Variants in OPCML observed in about 807,000 individuals in gnomAD.
The protein encoded by OPCML is opioid binding protein/cell adhesion molecule like.
Under a neutral mutation model 37.8 loss-of-function variants are expected in OPCML, and 13 were observed. The ratio of observed to expected loss-of-function variants is 0.34; its 90% CI spans 0.22 to 0.55. The LOEUF is 0.55. Among genes scored for constraint, OPCML ranks in the 20% least tolerant of loss-of-function variants. The pLI, the probability that OPCML is intolerant of heterozygous loss-of-function variation, is 0.91. For missense variants in OPCML, 341 were observed against 435.6 expected (o/e 0.78, Z 1.93); for synonymous variants, 176 against 168.8 (o/e 1.04, Z -0.33).
In OPCML at chr11:132,530,734, G is replaced by A. The variant is rs117788087; in HGVS notation, c.380-1548C>T. 3.6e-4 allele frequency among the ~76,000 whole-genome samples: 55 copies of A among 151,840 alleles called. 1 individual carries two copies. The East Asian group carries it at 9.9e-3, about 27-fold the overall frequency. On this transcript the variant is annotated intron_variant, in intron 3 of 7. Transcript: ENST00000524381. The stretch of plus-strand genomic sequence containing the variant: ...TGCATGACCTGAGCTCTCTGGAGTC[G>A]AACCCCCAAACCCACTGACAAACCT...
chr11:132,879,900 AT>A (rs1383043018), intron 2 of OPCML, among the ~76,000 whole-genome samples: 1 of 152,228 alleles, frequency 6.6e-6, no homozygotes, highest in African/African-American at 2.4e-5. Flanking sequence ...TGACTTGGGC[AT>A]TTGGGCTATT....
At chr11:133,348,115 A>C (rs1189736128) in intron 1 of OPCML, among the ~76,000 whole-genome samples, 1 of 152,222 alleles carries the variant, frequency 6.6e-6, no homozygotes, top group African/African-American at 2.4e-5. Context: ...CAGGAAAAGC[A>C]ATAGAATTTG....
intron 3 of OPCML, among the ~76,000 whole-genome samples, chr11:132,608,869 C>T (rs1938464597): frequency 6.6e-6 from 1 of 152,186 alleles, no homozygotes; most frequent in Non-Finnish European, 1.5e-5. Flanking sequence ...TTGCTTCCTC[C>T]TGCTCCACTG....
intron 2 of OPCML, among the ~76,000 whole-genome samples, chr11:132,714,711 C>T (rs1944402344): frequency 6.6e-6 from 1 of 152,168 alleles, no homozygotes; most frequent in South Asian, 2.1e-4. Context: ...ATGGGCCTTG[C>T]AAATTAGCAC....
intron 2 of OPCML, among the ~76,000 whole-genome samples, chr11:132,932,739 T>C (rs932613342): frequency 1.3e-5 from 2 of 150,030 alleles, no homozygotes; most frequent in East Asian, 3.9e-4. Flanking sequence ...TAAATATATA[T>C]ATTTAACTTA....
chr11:132,521,153 G>GT (rs1350985125), intron 4 of OPCML, among the ~76,000 whole-genome samples: 1 of 151,936 alleles, frequency 6.6e-6, no homozygotes, highest in African/African-American at 2.4e-5. Flanking sequence ...TTTTTTTCAT[G>GT]TTTTTTGGCC....
intron 1 of OPCML, among the ~76,000 whole-genome samples, chr11:133,165,898 A>C (rs1229607824): frequency 1.3e-5 from 2 of 152,186 alleles, no homozygotes; most frequent in Non-Finnish European, 2.9e-5. Context: ...ACCGCAGAAT[A>C]CCTCAATAAA....
chr11:132,702,259 A>G (rs1174236259), intron 2 of OPCML, among the ~76,000 whole-genome samples: 1 of 152,140 alleles, frequency 6.6e-6, no homozygotes, highest in East Asian at 1.9e-4. Flanking sequence ...AGTGGTGATG[A>G]ACTCCCTCAG....
intron 1 of OPCML, among the ~76,000 whole-genome samples, chr11:133,216,100 G>A (rs766218784): frequency 5.3e-5 from 8 of 152,132 alleles, no homozygotes; most frequent in Non-Finnish European, 1.2e-4. Flanking sequence ...GGTGCAAGGG[G>A]ACCTCAGAAA....
At chr11:132,656,361 A>G (rs1941708551) in intron 3 of OPCML, among the ~76,000 whole-genome samples, 2 of 152,206 alleles carry the variant, frequency 1.3e-5, no homozygotes, top group Non-Finnish European at 2.9e-5. Context: ...TTTGAGGTGT[A>G]ATATGAAATT....
chr11:133,282,665 G>A (rs1942190737), intron 1 of OPCML, among the ~76,000 whole-genome samples: 1 of 152,174 alleles, frequency 6.6e-6, no homozygotes, highest in Admixed American at 6.5e-5. Context: ...CAGAATGATG[G>A]AGCCATGAGC....
chr11:133,469,008 G>T (rs1390315091), intron 1 of OPCML, among the ~76,000 whole-genome samples: 1 of 152,208 alleles, frequency 6.6e-6, no homozygotes, highest in Non-Finnish European at 1.5e-5. Flanking sequence ...CTGCCCCAGA[G>T]ACTGGGGGGC....
intron 1 of OPCML, among the ~76,000 whole-genome samples, chr11:133,146,865 G>A (rs1949905003): frequency 6.6e-6 from 1 of 152,120 alleles, no homozygotes; most frequent in Non-Finnish European, 1.5e-5. Context: ...GTGGACAAGG[G>A]GAAAAAACAC....
At chr11:133,315,402 C>T (rs1488666282) in intron 1 of OPCML, among the ~76,000 whole-genome samples, 1 of 152,074 alleles carries the variant, frequency 6.6e-6, no homozygotes, top group Non-Finnish European at 1.5e-5. Context: ...TGAATTGACA[C>T]TTAGGAAAAC....
chr11:133,100,993 C>T (rs1365524453), intron 1 of OPCML, among the ~76,000 whole-genome samples: 3 of 152,114 alleles, frequency 2.0e-5, no homozygotes, highest in Non-Finnish European at 4.4e-5. Context: ...GGCATGATCT[C>T]GGCTCACTGC....
At chr11:132,741,628 T>A (rs79745701) in intron 2 of OPCML, among the ~76,000 whole-genome samples, 1 of 152,246 alleles carries the variant, frequency 6.6e-6, no homozygotes, top group African/African-American at 2.4e-5. Context: ...TAAGTCCTTA[T>A]AATATTACAA....
chr11:132,674,129 G>A (rs1942597636), intron 2 of OPCML, among the ~76,000 whole-genome samples: 1 of 152,176 alleles, frequency 6.6e-6, no homozygotes, highest in East Asian at 1.9e-4. Context: ...TTCCTTGAAG[G>A]TGGCTAATTA....
intron 4 of OPCML, among the ~76,000 whole-genome samples, chr11:132,479,645 G>A (rs1372179778): frequency 6.6e-6 from 1 of 152,190 alleles, no homozygotes; most frequent in Non-Finnish European, 1.5e-5. Flanking sequence ...TTTGAAGAGA[G>A]CAGTGGTTCT....
intron 1 of OPCML, among the ~76,000 whole-genome samples, chr11:133,337,573 G>A (rs1384746108): frequency 6.6e-6 from 1 of 152,140 alleles, no homozygotes; most frequent in Non-Finnish European, 1.5e-5. Context: ...GCTGCTGTGG[G>A]AAGAAGCCTT....
Sources: allele counts gnomAD v4.1 joint callset (sites outside exome capture counted in the v4.1 genomes callset), GRCh38; gene constraint gnomAD v4.1.1; transcripts MANE v1.5; gene names NCBI Gene and HGNC (gene_info 2026-07-23, HGNC 2026-07-21).